FBXO4: variants seen among roughly 807,000 people sequenced by gnomAD.
The protein encoded by FBXO4 is F-box protein 4, also known as F-box only protein 4.
In FBXO4, 36 loss-of-function variants were observed where a neutral mutation model predicts 43.7. The ratio of observed to expected loss-of-function variants is 0.82; its 90% CI spans 0.63 to 1.09. The LOEUF (loss-of-function observed/expected upper bound fraction) is 1.09, where lower values mean the gene tolerates loss of function less well. Ranked by LOEUF, FBXO4 falls within the 50% of genes least tolerant of loss-of-function variation. FBXO4 has a pLI of 0.00. For missense variants in FBXO4, 435 were observed against 474.1 expected, an observed-to-expected ratio of 0.92 and a Z score of 0.77; for synonymous variants, 180 against 165.6, an observed-to-expected ratio of 1.09 and a Z score of -0.67.
At chr5:42,001,369 A>G in the FBXO4 span, among the ~76,000 whole-genome samples, 1 of 152,164 alleles carries the variant, frequency 6.6e-6, no homozygotes, top group Non-Finnish European at 1.5e-5. Flanking sequence ...AGCTGGGGAT[A>G]CAGGCACACG....
In FBXO4 at chr5:41,929,606, T is replaced by C. The variant is rs543152008; in HGVS notation, c.426-91T>C. 1,151 of 870,296 alleles carry C rather than the reference T, an allele frequency of 1.3e-3. 7 individuals are homozygous for C. Among genetic ancestry groups the C allele is most frequent in the Non-Finnish European group, 6.3e-4 (358 of 565,952 alleles). The allele number at this position is 870,296 out of a possible 1,614,324, so 53.9% of individuals were successfully genotyped here. A position where few individuals can be genotyped will look rare whatever the true frequency, so the allele number is the denominator to read the frequency against. Reference sequence around the variant, plus strand: ...GACTATATAATCATTGTATCCATTGTGTCTAGCAAGTACTCAATAAATTAT... The same window carrying C: ...GACTATATAATCATTGTATCCATTGCGTCTAGCAAGTACTCAATAAATTAT... On this transcript the variant is annotated intron_variant, in intron 2 of 6. Coordinates refer to ENST00000281623, the MANE Select transcript of FBXO4 (RefSeq NM_012176.3).
intron 3 of FBXO4, among the ~76,000 whole-genome samples, chr5:41,932,309 G>A (rs2112575946): frequency 6.6e-6 from 1 of 152,328 alleles, no homozygotes; most frequent in African/African-American, 2.4e-5. Context: ...TGGGAGTGCA[G>A]CTGATGAAAA....
chr5:42,034,015 C>T, the FBXO4 span, among the ~76,000 whole-genome samples: 5 of 152,216 alleles, frequency 3.3e-5, no homozygotes, highest in Non-Finnish European at 2.9e-5. Context: ...TCCACAGCCT[C>T]ATCAGCATCT....
the FBXO4 span, among the ~76,000 whole-genome samples, chr5:41,987,643 A>G: frequency 3.9e-3 from 593 of 152,302 alleles, 8 homozygotes; most frequent in African/African-American, 0.014. Context: ...ACTAGGGTAT[A>G]TGCTAAGAAT....
chr5:41,975,800 T>C, the FBXO4 span, among the ~76,000 whole-genome samples: 1 of 152,182 alleles, frequency 6.6e-6, no homozygotes, highest in Admixed American at 6.5e-5. Flanking sequence ...CTTAGTGTGT[T>C]AGGCTGTTTT....
the FBXO4 span, among the ~76,000 whole-genome samples, chr5:42,016,523 G>A: frequency 6.6e-6 from 1 of 151,712 alleles, no homozygotes; most frequent in African/African-American, 2.4e-5. Context: ...CAACCACAAA[G>A]CAACCTTGCA....
At chr5:41,950,964 A>G in the FBXO4 span, among the ~76,000 whole-genome samples, 9 of 152,234 alleles carry the variant, frequency 5.9e-5, no homozygotes, top group Non-Finnish European at 1.2e-4. Flanking sequence ...ACACAAGAAC[A>G]GAAAACCAAA....
chr5:41,943,607 A>C (rs72747001), downstream of FBXO4, among the ~76,000 whole-genome samples: 1 of 152,126 alleles, frequency 6.6e-6, no homozygotes, highest in South Asian at 2.1e-4. Context: ...ACATAAAACA[A>C]CTATTTTATA....
the FBXO4 span, among the ~76,000 whole-genome samples, chr5:41,957,441 A>C: frequency 6.8e-6 from 1 of 146,212 alleles, no homozygotes; most frequent in African/African-American, 2.5e-5. Context: ...TTCTATAATT[A>C]TATAATTATA....
chr5:41,938,472 T>C (rs536646665), intron 5 of FBXO4, among the ~76,000 whole-genome samples: 1 of 152,366 alleles, frequency 6.6e-6, no homozygotes, highest in Non-Finnish European at 1.5e-5. Flanking sequence ...AGTCAAAATC[T>C]AAGACGTATA....
At chr5:41,978,245 G>T in the FBXO4 span, among the ~76,000 whole-genome samples, 11 of 152,108 alleles carry the variant, frequency 7.2e-5, no homozygotes, top group African/African-American at 2.7e-4. Flanking sequence ...AAGGGATGGC[G>T]TAAAACCATT....
chr5:41,940,019 T>A (rs1195548111), intron 6 of FBXO4, among the ~76,000 whole-genome samples: 1 of 151,124 alleles, frequency 6.6e-6, no homozygotes, highest in Admixed American at 6.6e-5. Context: ...CCAGATAATT[T>A]TTTGTATTTT....
At chr5:42,014,754 A>G in the FBXO4 span, among the ~76,000 whole-genome samples, 1 of 152,116 alleles carries the variant, frequency 6.6e-6, no homozygotes, top group African/African-American at 2.4e-5. Context: ...CCTTTTTGAG[A>G]TCAGGGATAT....
At chr5:41,962,539 C>G in the FBXO4 span, among the ~76,000 whole-genome samples, 1 of 152,156 alleles carries the variant, frequency 6.6e-6, no homozygotes, top group Admixed American at 6.5e-5. Flanking sequence ...CTGTCTTTTA[C>G]TCAGTGTAAA....
At chr5:41,925,630 C>G (rs1421786510) in intron 1 of FBXO4, 132 bp downstream of exon 1, 2 of 599,288 alleles carry the variant, frequency 3.3e-6, no homozygotes, top group Admixed American at 4.4e-5. Flanking sequence ...GCAGCCATTC[C>G]TGGCAGTGTA....
the FBXO4 span, among the ~76,000 whole-genome samples, chr5:42,013,625 C>T: frequency 6.6e-6 from 1 of 152,310 alleles, no homozygotes; most frequent in Non-Finnish European, 1.5e-5. Context: ...TTTCTCCAAT[C>T]CAATCATCCA....
chr5:41,991,117 T>C, the FBXO4 span, among the ~76,000 whole-genome samples: 1 of 152,164 alleles, frequency 6.6e-6, no homozygotes, highest in African/African-American at 2.4e-5. Context: ...CACTCTTATA[T>C]CCATATCCCC....
At chr5:42,022,369 A>C in the FBXO4 span, among the ~76,000 whole-genome samples, 21 of 152,182 alleles carry the variant, frequency 1.4e-4, no homozygotes, top group African/African-American at 4.6e-4. Context: ...CAGTGGCTGC[A>C]AAACTATAGT....
chr5:41,934,326 C>T lies in FBXO4; in HGVS notation c.898+18C>T. 1 of 1,613,780 alleles carries T rather than the reference C, an allele frequency of 6.2e-7. No individual in the cohort carries two copies. ...TCATAAAAGTAAGTACTCATATGTA[C>T]ATTTTTAAGCACATTGTTCTTTTCA... On this transcript the variant is annotated intron_variant, in intron 5 of 6. Coordinates refer to ENST00000281623, the MANE Select transcript of FBXO4 (RefSeq NM_012176.3).
Sources: gnomAD v4.1 joint callset for allele counts (sites outside exome capture counted in the v4.1 genomes callset) on GRCh38, gnomAD v4.1.1 for gene constraint, MANE v1.5 for transcripts, NCBI Gene and HGNC (gene_info 2026-07-23, HGNC 2026-07-21) for gene names.